RXFP2: variants seen among roughly 807,000 people sequenced by gnomAD.
The protein encoded by RXFP2 is relaxin family peptide receptor 2.
RXFP2 carries 68 observed loss-of-function variants against 88.6 expected under a neutral mutation model. The observed-to-expected ratio is 0.77, with a 90% CI of 0.63 to 0.94. The LOEUF is 0.94. Ranked by LOEUF, RXFP2 falls within the 40% of genes least tolerant of loss-of-function variation. The pLI, the probability that RXFP2 is intolerant of heterozygous loss-of-function variation, is 0.00. For synonymous variants in RXFP2, 329 were observed against 306.8 expected, an observed-to-expected ratio of 1.07 and a Z score of -0.76; for missense variants, 791 against 893.9, an observed-to-expected ratio of 0.88 and a Z score of 1.47.
At chr13:31,799,432 G>A (rs927331103) in intron 17 of RXFP2, among the ~76,000 whole-genome samples, 10 of 152,020 alleles carry the variant, frequency 6.6e-5, no homozygotes, top group African/African-American at 1.2e-4. Flanking sequence ...GGCTGGTCTC[G>A]AACTCCTGAC....
chr13:31,769,931 C>A (rs1204175998), intron 5 of RXFP2, among the ~76,000 whole-genome samples: 1 of 152,214 alleles, frequency 6.6e-6, no homozygotes, highest in Non-Finnish European at 1.5e-5. Context: ...GATCAACTAC[C>A]TTCACCCAGG....
At chr13:31,789,994 C>T (rs1300814946) in intron 14 of RXFP2, among the ~76,000 whole-genome samples, 1 of 152,062 alleles carries the variant, frequency 6.6e-6, no homozygotes, top group Non-Finnish European at 1.5e-5. Flanking sequence ...GGTATCATTT[C>T]CTTGTTGTAG....
intron 4 of RXFP2, 34 bp from the exon 5 acceptor site, chr13:31,765,922 T>C (rs1477426066): frequency 8.5e-6 from 9 of 1,063,370 alleles, no homozygotes; most frequent in Non-Finnish European, 1.3e-5. Flanking sequence ...GCCATAACAA[T>C]CCATAATGAA....
chr13:31,781,882 A>C, intron 10 of RXFP2, 140 bp downstream of exon 10: 1 of 667,204 alleles, frequency 1.5e-6, no homozygotes, highest in East Asian at 2.7e-5. Flanking sequence ...AAATGCACAC[A>C]CTGATTTATT....
At chr13:31,748,023 A>T (rs903395570) in intron 1 of RXFP2, among the ~76,000 whole-genome samples, 10 of 152,246 alleles carry the variant, frequency 6.6e-5, no homozygotes, top group African/African-American at 2.4e-4. Flanking sequence ...AGAACTGTCC[A>T]CTGGCCCTGC....
At chr13:31,762,331 G>C (rs1045308755) in intron 3 of RXFP2, among the ~76,000 whole-genome samples, 9 of 152,242 alleles carry the variant, frequency 5.9e-5, no homozygotes, top group Admixed American at 2.0e-4. Flanking sequence ...GGACTTTGAA[G>C]TCCATGGATG....
In RXFP2 at chr13:31,775,390, G is replaced by GT; in HGVS notation, c.641+2dup. On this transcript the variant is annotated splice_donor_variant, in intron 7 of 17. Transcript: ENST00000298386. LOFTEE classifies it high-confidence loss of function. The stretch of plus-strand genomic sequence containing the variant: ...AAGACTTACATCAGCTAACTTGGCT[G>GT]TAAGTACTCTAATTCTTCTTTCTCC... 1 of 1,601,484 alleles carries GT rather than the reference G, an allele frequency of 6.2e-7. No individual in the cohort carries two copies. Among genetic ancestry groups the GT allele is most frequent in the East Asian group, 2.2e-5 (1 of 44,792 alleles).
intron 2 of RXFP2, among the ~76,000 whole-genome samples, chr13:31,761,059 A>G (rs751164644): frequency 3.2e-4 from 48 of 152,110 alleles, no homozygotes; most frequent in Non-Finnish European, 6.2e-4. Context: ...GGCTCAAGCT[A>G]TCCTCCCACC....
At chr13:31,769,716 T>C (rs1872669348) in intron 5 of RXFP2, among the ~76,000 whole-genome samples, 1 of 152,238 alleles carries the variant, frequency 6.6e-6, no homozygotes, top group Non-Finnish European at 1.5e-5. Context: ...TCTAATTCCA[T>C]GCCACATGTG....
intron 5 of RXFP2, among the ~76,000 whole-genome samples, chr13:31,768,013 C>T (rs1158472194): frequency 6.6e-6 from 1 of 152,162 alleles, no homozygotes; most frequent in Non-Finnish European, 1.5e-5. Context: ...CAATATCTCC[C>T]TCTGTGGTCC....
intron 1 of RXFP2, among the ~76,000 whole-genome samples, chr13:31,750,425 CAG>C (rs1165855484): frequency 6.6e-6 from 1 of 152,036 alleles, no homozygotes; most frequent in Non-Finnish European, 1.5e-5. Flanking sequence ...TATGGTAACT[CAG>C]AGTTTTAAAA....
rs753247871 is a variant in RXFP2, at chr13:31,777,387, ACAATC to A, written c.658_662del (p.Pro220AsnfsTer21). On this transcript the variant is annotated frameshift_variant, in exon 8 of 18. Coordinates refer to ENST00000298386, the MANE Select transcript of RXFP2 (RefSeq NM_130806.5). LOFTEE classifies it high-confidence loss of function. ...ATACATTTTGTCAGAATTCTAGATG[ACAATC>A]CAATAACCAGAATTTCACAGCGCTT... 1.2e-6 allele frequency: 2 copies of A among 1,610,282 alleles called. No individual in the cohort carries two copies. Among genetic ancestry groups the A allele is most frequent in the Non-Finnish European group, 1.7e-6 (2 of 1,177,040 alleles).
intron 1 of RXFP2, among the ~76,000 whole-genome samples, chr13:31,753,361 G>T (rs1163754906): frequency 6.6e-6 from 1 of 152,072 alleles, no homozygotes; most frequent in East Asian, 1.9e-4. Context: ...AAAATCTCTT[G>T]GCACAGACAC....
At chr13:31,764,191 T>C (rs1447072375) in intron 3 of RXFP2, among the ~76,000 whole-genome samples, 2 of 143,916 alleles carry the variant, frequency 1.4e-5, no homozygotes, top group Non-Finnish European at 3.1e-5. Flanking sequence ...TACTTGCTCT[T>C]TCTCTCAAAG....
intron 17 of RXFP2, among the ~76,000 whole-genome samples, chr13:31,798,808 A>C (rs961121469): frequency 6.6e-6 from 1 of 152,130 alleles, no homozygotes; most frequent in Non-Finnish European, 1.5e-5. Context: ...CCTGGATTAT[A>C]CTTTCACCTT....
chr13:31,794,343 A>T (rs1873925368), intron 16 of RXFP2, among the ~76,000 whole-genome samples: 1 of 149,332 alleles, frequency 6.7e-6, no homozygotes, highest in African/African-American at 2.5e-5. Context: ...GGTGCACTTA[A>T]TAGAGACTCT....
Position 31,785,824 on chromosome 13 carries a change from G to A in RXFP2, c.930-559G>A, listed in dbSNP as rs374657509. On this transcript the variant is annotated intron_variant, in intron 11 of 17. Transcript: ENST00000298386. ...ACTTTCTTAGGATTCTGTCTGGATT[G>A]GACAGTCCTATTATATTTAATTCTA... 4.1e-4 allele frequency among the ~76,000 whole-genome samples: 62 copies of A among 151,942 alleles called. No homozygotes were observed. The South Asian group carries it at 8.8e-3, about 21-fold the overall frequency.
rs775645862 is a variant in RXFP2, at chr13:31,802,297, A to G, written c.2157A>G (p.Lys719=). The G allele has an allele frequency of 5.6e-6, 9 of 1,613,700 alleles. No individual in the cohort carries two copies. In the East Asian group the frequency reaches 2.0e-4, roughly 36 times the overall value. ...HQRKSIFKIK[K]KSLSTSIVWI... is the part of the protein sequence containing the mutation. The stretch of plus-strand genomic sequence containing the variant: ...GGAAATCAATTTTCAAAATTAAAAA[A>G]AAAAGTTTATCTACATCCATTGTGT... Residue 719 remains lysine, a synonymous_variant, in exon 18 of 18, where the codon AAA becomes AAG. Transcript: ENST00000298386.
At chr13:31,754,747 C>T (rs1871852310) in intron 1 of RXFP2, among the ~76,000 whole-genome samples, 1 of 152,182 alleles carries the variant, frequency 6.6e-6, no homozygotes, top group Non-Finnish European at 1.5e-5. Flanking sequence ...TTACAGTCCT[C>T]CTTCAGCTTT....
Sources: allele counts gnomAD v4.1 joint callset (sites outside exome capture counted in the v4.1 genomes callset), GRCh38; gene constraint gnomAD v4.1.1; transcripts MANE v1.5; gene names NCBI Gene and HGNC (gene_info 2026-07-23, HGNC 2026-07-21).